Variants in AP4S1 observed in about 807,000 individuals in gnomAD.
AP4S1 encodes adaptor related protein complex 4 subunit sigma 1.
Under a neutral mutation model 19.8 loss-of-function variants are expected in AP4S1, and 23 were observed. The observed-to-expected ratio is 1.16, with a 90% CI of 0.84 to 1.65. AP4S1 has a LOEUF of 1.65. Among genes scored for constraint, AP4S1 ranks in the 40% most tolerant of loss-of-function variants. AP4S1 has a pLI of 0.00. For missense variants in AP4S1, 166 were observed against 172.8 expected, an observed-to-expected ratio of 0.96 and a Z score of 0.22; for synonymous variants, 46 against 54.1, an observed-to-expected ratio of 0.85 and a Z score of 0.66.
intron 1 of AP4S1, among the ~76,000 whole-genome samples, chr14:31,042,386 A>G (rs1885159934): frequency 6.6e-6 from 1 of 152,100 alleles, no homozygotes; most frequent in Non-Finnish European, 1.5e-5. Flanking sequence ...ACATGCACAC[A>G]TGGGTACATA....
rs925878518 is a variant in AP4S1 at position 31,061,789 on chromosome 14, C to T, written c.-71-4337C>T. ...TCCTGAGTAGCTGGGACTACAGGTGCATGCCACCACACCCAGCTAATTTTG... is the reference window on the plus strand; with the variant it reads ...TCCTGAGTAGCTGGGACTACAGGTGTATGCCACCACACCCAGCTAATTTTG... On this transcript the variant is annotated intron_variant, in intron 1 of 5. Transcript: ENST00000542754. Among the ~76,000 whole-genome samples the T allele has an allele frequency of 2.6e-5, 4 of 151,960 alleles. No individual in the cohort carries two copies. In the South Asian group the frequency reaches 8.3e-4, roughly 32 times the overall value.
chr14:31,028,183 ATT>A (rs56698419), intron 1 of AP4S1, among the ~76,000 whole-genome samples: 22 of 147,924 alleles, frequency 1.5e-4, no homozygotes, highest in Admixed American at 3.4e-4. Context: ...TATTTTATTT[ATT>A]TTTTTTTTTT....
intron 5 of AP4S1, among the ~76,000 whole-genome samples, chr14:31,089,180 A>AG (rs1274545812): frequency 8.6e-5 from 13 of 151,838 alleles, no homozygotes; most frequent in Admixed American, 7.9e-4. Context: ...AAAAAAAAAA[A>AG]AGTGAACAGA....
chr14:31,076,653 T>C (rs1233105394), intron 4 of AP4S1, among the ~76,000 whole-genome samples: 1 of 152,216 alleles, frequency 6.6e-6, no homozygotes, highest in African/African-American at 2.4e-5. Context: ...AAAAGACTGT[T>C]CTTTTCCCCC....
At position 31,072,886 on chromosome 14, in the gene AP4S1, C is replaced by T. The variant is rs1316070379; in HGVS notation, c.226-19C>T. The stretch of plus-strand genomic sequence containing the variant: ...GAAGCGACACTAAAATTGATTGTAC[C>T]TTTCTTCTTTTATTGTAGAACGAGA... On this transcript the variant is annotated intron_variant, in intron 3 of 5. Coordinates refer to ENST00000542754, the MANE Select transcript of AP4S1 (RefSeq NM_001128126.3). 6.2e-7 allele frequency: 1 copy of T among 1,600,452 alleles called. No homozygotes were observed.
At chr14:31,047,742 A>G (rs1885502843) in intron 1 of AP4S1, among the ~76,000 whole-genome samples, 1 of 152,058 alleles carries the variant, frequency 6.6e-6, no homozygotes, top group Admixed American at 6.6e-5. Flanking sequence ...GCAGTAGTGC[A>G]GTCTTGGCTC....
At chr14:31,038,014 T>C (rs2180610) in intron 1 of AP4S1, among the ~76,000 whole-genome samples, 39,639 of 152,138 alleles carry the variant, frequency 0.26, 5,372 homozygotes, top group South Asian at 0.33. Flanking sequence ...CACTTTATTG[T>C]GAAATTCAAA....
chr14:31,031,237 T>C (rs1361424771), intron 1 of AP4S1, among the ~76,000 whole-genome samples: 1 of 152,162 alleles, frequency 6.6e-6, no homozygotes, highest in Non-Finnish European at 1.5e-5. Context: ...CCTTTATAAA[T>C]TACCCAGTCT....
At chr14:31,051,884 C>T (rs564278598) in intron 1 of AP4S1, among the ~76,000 whole-genome samples, 1 of 152,296 alleles carries the variant, frequency 6.6e-6, no homozygotes, top group South Asian at 2.1e-4. Flanking sequence ...TGGTTTCAAA[C>T]TCCTGAGCTC....
chr14:31,035,760 C>T (rs1308796888), intron 1 of AP4S1, among the ~76,000 whole-genome samples: 1 of 149,144 alleles, frequency 6.7e-6, no homozygotes, highest in African/African-American at 2.5e-5. Context: ...GACAGAGTCT[C>T]GATCTGTCAC....
intron 1 of AP4S1, among the ~76,000 whole-genome samples, chr14:31,031,785 T>C (rs1884402773): frequency 6.6e-6 from 1 of 152,190 alleles, no homozygotes; most frequent in Non-Finnish European, 1.5e-5. Context: ...AAAGCTCACG[T>C]TCGAAACTTC....
At chr14:31,032,077 A>C (rs1196132259) in intron 1 of AP4S1, among the ~76,000 whole-genome samples, 2 of 64,590 alleles carry the variant, frequency 3.1e-5, no homozygotes, top group African/African-American at 1.6e-4. Flanking sequence ...GTCCCAAAAA[A>C]AAAAAAAAAA....
At chr14:31,047,637 C>T (rs540204186) in intron 1 of AP4S1, among the ~76,000 whole-genome samples, 2 of 152,110 alleles carry the variant, frequency 1.3e-5, no homozygotes, top group South Asian at 2.1e-4. Flanking sequence ...CCTTGTGATT[C>T]GCCCGCCTCA....
intron 4 of AP4S1, among the ~76,000 whole-genome samples, chr14:31,073,453 G>A (rs1352397714): frequency 6.9e-6 from 1 of 144,256 alleles, no homozygotes; most frequent in Non-Finnish European, 1.5e-5. Flanking sequence ...TCCCGCCACT[G>A]CACTCCAGCC....
chr14:31,081,340 A>G (rs1887627557), intron 5 of AP4S1, among the ~76,000 whole-genome samples: 1 of 152,176 alleles, frequency 6.6e-6, no homozygotes, highest in Non-Finnish European at 1.5e-5. Context: ...AAGGTTAAAG[A>G]AATTGCCTGG....
chr14:31,056,253 A>T (rs1239777833), intron 1 of AP4S1, among the ~76,000 whole-genome samples: 1 of 151,960 alleles, frequency 6.6e-6, no homozygotes, highest in Admixed American at 6.6e-5. Flanking sequence ...CACAGGCATG[A>T]TCATAGTGTA....
At chr14:31,074,468 C>T (rs1054251476) in intron 4 of AP4S1, among the ~76,000 whole-genome samples, 10 of 152,044 alleles carry the variant, frequency 6.6e-5, no homozygotes, top group African/African-American at 1.4e-4. Flanking sequence ...CTGGCTAACA[C>T]GGTGAAACCC....
intron 5 of AP4S1, among the ~76,000 whole-genome samples, chr14:31,081,860 T>G (rs964426031): frequency 6.6e-6 from 1 of 151,184 alleles, no homozygotes; most frequent in African/African-American, 2.4e-5. Flanking sequence ...ATATATATGA[T>G]ATATATATAT....
At chr14:31,036,020 G>A (rs192342430) in intron 1 of AP4S1, among the ~76,000 whole-genome samples, 16 of 152,054 alleles carry the variant, frequency 1.1e-4, no homozygotes, top group Non-Finnish European at 2.1e-4. Context: ...GTGAGCCACC[G>A]TGCCTGGCCA....
Sources: gnomAD v4.1 joint callset for allele counts (sites outside exome capture counted in the v4.1 genomes callset) on GRCh38, gnomAD v4.1.1 for gene constraint, MANE v1.5 for transcripts, NCBI Gene and HGNC (gene_info 2026-07-23, HGNC 2026-07-21) for gene names.